RANBP9: variants seen among roughly 807,000 people sequenced by gnomAD.
RANBP9 encodes the protein RAN binding protein 9, also known as ran-binding protein 9.
In RANBP9, 15 loss-of-function variants were observed where a neutral mutation model predicts 84.3. The ratio of observed to expected loss-of-function variants is 0.18; its 90% CI spans 0.12 to 0.27. The LOEUF is 0.27. RANBP9 is among the 10% of genes least tolerant of loss of function. The pLI, the probability that RANBP9 is intolerant of heterozygous loss-of-function variation, is 1.00. For synonymous variants in RANBP9, 392 were observed against 349.6 expected (o/e 1.12, Z -1.35); for missense variants, 809 against 912.8 (o/e 0.89, Z 1.46).
chr6:13,707,198 G>A (rs945099285), intron 1 of RANBP9, among the ~76,000 whole-genome samples: 1 of 151,848 alleles, frequency 6.6e-6, no homozygotes, highest in Non-Finnish European at 1.5e-5. Flanking sequence ...TAATTTTTAG[G>A]GGTAGAGACG....
intron 2 of RANBP9, among the ~76,000 whole-genome samples, chr6:13,674,473 A>C (rs888604949): frequency 6.6e-6 from 1 of 152,246 alleles, no homozygotes; most frequent in Admixed American, 6.5e-5. Context: ...AACAATCCTT[A>C]ATTGTCAAGG....
At chr6:13,624,630 T>C (rs1224852572) in intron 13 of RANBP9, among the ~76,000 whole-genome samples, 2 of 152,242 alleles carry the variant, frequency 1.3e-5, no homozygotes, top group African/African-American at 4.8e-5. Context: ...ACAATTCATA[T>C]AAAAAGTACT....
intron 2 of RANBP9, among the ~76,000 whole-genome samples, chr6:13,685,030 T>C (rs1305043718): frequency 2.6e-5 from 4 of 152,176 alleles, no homozygotes; most frequent in Admixed American, 2.0e-4. Flanking sequence ...CCTCAGCATA[T>C]ACATACAACA....
intron 1 of RANBP9, among the ~76,000 whole-genome samples, chr6:13,699,031 ATT>A (rs1252433108): frequency 2.0e-5 from 3 of 152,106 alleles, no homozygotes; most frequent in African/African-American, 7.2e-5. Flanking sequence ...TTTTGTATGG[ATT>A]TTTCTCTTTC....
At chr6:13,645,442 A>G (rs1765158615) in intron 5 of RANBP9, among the ~76,000 whole-genome samples, 1 of 152,220 alleles carries the variant, frequency 6.6e-6, no homozygotes, top group Non-Finnish European at 1.5e-5. Context: ...AAAGGTGATA[A>G]CTTCAAGTAA....
intron 5 of RANBP9, 27 bp downstream of exon 5, chr6:13,652,625 AAAAATGG>A (rs1765321080): frequency 6.5e-7 from 1 of 1,534,742 alleles, no homozygotes; most frequent in East Asian, 2.3e-5. Context: ...TCCTGTAATT[AAAAATGG>A]AAAACTGCTT....
At chr6:13,669,120 T>A (rs1045428417) in intron 2 of RANBP9, among the ~76,000 whole-genome samples, 16 of 144,256 alleles carry the variant, frequency 1.1e-4, no homozygotes, top group African/African-American at 4.1e-4. Context: ...AGAAAATACT[T>A]TCATTTGGAA....
At chr6:13,703,229 T>C (rs1758020027) in intron 1 of RANBP9, among the ~76,000 whole-genome samples, 1 of 152,218 alleles carries the variant, frequency 6.6e-6, no homozygotes, top group South Asian at 2.1e-4. Context: ...ACCTACCATT[T>C]CTTTTGTGCT....
At chr6:13,681,947 C>T (rs1381076339) in intron 2 of RANBP9, among the ~76,000 whole-genome samples, 1 of 152,072 alleles carries the variant, frequency 6.6e-6, no homozygotes, top group Non-Finnish European at 1.5e-5. Context: ...CAACCTCCAC[C>T]TCCCAGGCTC....
intron 2 of RANBP9, among the ~76,000 whole-genome samples, chr6:13,692,549 A>AC (rs947131240): frequency 2.0e-5 from 3 of 148,192 alleles, no homozygotes; most frequent in African/African-American, 7.5e-5. Context: ...AAAAAAAAAA[A>AC]AAAAACACAA....
intron 5 of RANBP9, among the ~76,000 whole-genome samples, chr6:13,649,941 A>C (rs540942259): frequency 2.0e-5 from 3 of 152,270 alleles, no homozygotes; most frequent in South Asian, 2.1e-4. Context: ...TTCAGATCCA[A>C]TCCATTAGCC....
intron 2 of RANBP9, among the ~76,000 whole-genome samples, chr6:13,676,156 T>C (rs1765881355): frequency 6.6e-6 from 1 of 152,088 alleles, no homozygotes; most frequent in African/African-American, 2.4e-5. Flanking sequence ...TTCAAGAATA[T>C]TTGTTGCATA....
chr6:13,664,120 A>C (rs1332337281), intron 2 of RANBP9, among the ~76,000 whole-genome samples: 2 of 152,164 alleles, frequency 1.3e-5, no homozygotes, highest in Admixed American at 1.3e-4. Context: ...TTTATAAAGA[A>C]AATCCTAAGG....
chr6:13,697,757 C>T (rs1757876115), intron 1 of RANBP9, among the ~76,000 whole-genome samples: 1 of 152,126 alleles, frequency 6.6e-6, no homozygotes, highest in Non-Finnish European at 1.5e-5. Context: ...GTTGAAGTAG[C>T]ATGTCAGAAA....
chr6:13,694,152 A>C (rs533516920), intron 2 of RANBP9, among the ~76,000 whole-genome samples: 79 of 152,354 alleles, frequency 5.2e-4, no homozygotes, highest in African/African-American at 1.8e-3. Flanking sequence ...ACTTAACTAC[A>C]ATCCAGCAAT....
In RANBP9 at chr6:13,627,098, T is replaced by G. The variant is rs140834205; in HGVS notation, c.1948-1334A>C. On this transcript the variant is annotated intron_variant, in intron 12 of 13. Transcript: ENST00000011619. ...AATTACAATAGAAGTTCTTTGAAGA[T>G]AAAAATTATTTACTATACTATTTTG... Among the ~76,000 whole-genome samples, 578 of 152,316 alleles carry G rather than the reference T, an allele frequency of 3.8e-3. 3 individuals carry two copies. Among genetic ancestry groups the G allele is most frequent in the African/African-American group, 0.013 (550 of 41,562 alleles).
rs1374245866 is a variant in RANBP9 at position 13,711,112 on chromosome 6, G to A, written c.394C>T (p.Pro132Ser). ...AGGGCCGAGTCCCCGTGAGGGAAGG[G>A]GGCCGCGGCGCTGCTGCCCGCCACC... The part of the protein sequence containing the change: ...ALVAGSSAAA[P>S]FPHGDSALNE... The change falls in exon 1 of 14, where the codon CCC becomes TCC. Residue 132 changes from proline to serine, a missense_variant. Coordinates refer to ENST00000011619, the MANE Select transcript of RANBP9 (RefSeq NM_005493.3). The A allele has an allele frequency of 4.5e-6, 7 of 1,555,190 alleles. No homozygotes were observed. Among genetic ancestry groups the A allele is most frequent in the Non-Finnish European group, 6.1e-6 (7 of 1,150,960 alleles).
At position 13,711,128 on chromosome 6, in the gene RANBP9, G is replaced by A. The variant is rs1277656657; in HGVS notation, c.378C>T (p.Gly126=). The change falls in exon 1 of 14, where the codon GGC becomes GGT. Residue 126 remains glycine, a synonymous_variant. Transcript: ENST00000011619. Reference sequence around the variant, plus strand: ...GAGGGAAGGGGGCCGCGGCGCTGCTGCCCGCCACCAGAGCTGGGGTCGGGG... The same window carrying A: ...GAGGGAAGGGGGCCGCGGCGCTGCTACCCGCCACCAGAGCTGGGGTCGGGG... ...GGAPTPALVA[G]SSAAAPFPHG... 1.3e-6 allele frequency: 2 copies of A among 1,541,892 alleles called. No individual in the cohort carries two copies. Among genetic ancestry groups the A allele is most frequent in the Admixed American group, 3.9e-5 (2 of 51,352 alleles).
rs1758260848 is a variant in RANBP9, at chr6:13,710,924, A to G, written c.571+11T>C. 1 of 1,595,922 alleles carries G rather than the reference A, an allele frequency of 6.3e-7. No individual in the cohort carries two copies. The highest frequency in any genetic ancestry group is 8.5e-7 in the Non-Finnish European group (1 of 1,172,134). On this transcript the variant is annotated intron_variant, in intron 1 of 13. Coordinates refer to ENST00000011619, the MANE Select transcript of RANBP9 (RefSeq NM_005493.3). ...GTGCCCCACTCCCACCGCAGGACAC[A>G]CGCCCAGTACCTTTGTAGTGCACCC...
Sources: allele counts gnomAD v4.1 joint callset (sites outside exome capture counted in the v4.1 genomes callset), GRCh38; gene constraint gnomAD v4.1.1; transcripts MANE v1.5; gene names NCBI Gene and HGNC (gene_info 2026-07-23, HGNC 2026-07-21).